The following FHOD3 variants were observed in gnomAD, a reference collection of about 807,000 sequenced individuals.
The protein encoded by FHOD3 is formin homology 2 domain containing 3.
Under a neutral mutation model 173.0 loss-of-function variants are expected in FHOD3, and 90 were observed. The ratio of observed to expected loss-of-function variants is 0.52; its 90% CI spans 0.44 to 0.62. FHOD3 has a LOEUF of 0.62. FHOD3 is among the 20% of genes least tolerant of loss of function. FHOD3 has a pLI of 0.00. For missense variants in FHOD3, 1,945 were observed against 2,034.7 expected (o/e 0.96, Z 0.85); for synonymous variants, 828 against 823.0 (o/e 1.01, Z -0.10).
In FHOD3 at chr18:36,372,684, G is replaced by A; in HGVS notation, c.277G>A (p.Gly93Ser). 6.2e-7 allele frequency: 1 copy of A among 1,613,878 alleles called. No individual in the cohort carries two copies. The highest frequency in any genetic ancestry group is 1.1e-5 in the South Asian group (1 of 91,006). ...TTTTGTCTCCTGTCTCGTTAGGCGG[G>A]GCAAGAAGCACAGCATCATCCTAAG... is the stretch of plus-strand genomic sequence containing the variant. ...LEGFQDDAGR[G>S]KKHSIILRTQ... The change falls in exon 3 of 29, where the codon GGC becomes AGC. Residue 93 changes from glycine (G) to serine (S), a missense_variant. Gly to Ser is a moderately conservative substitution (Grantham distance 56, BLOSUM62 0). Around this residue, in one of 5 missense-constraint regions of FHOD3, gnomAD observed 245 missense variants for 267.7 expected, o/e 0.92. Transcript: ENST00000590592.
At chr18:36,298,895 A>T (rs1022927092) in intron 1 of FHOD3, among the ~76,000 whole-genome samples, 2 of 152,070 alleles carry the variant, frequency 1.3e-5, no homozygotes, top group Non-Finnish European at 2.9e-5. Context: ...CCTTACTCTC[A>T]CTTAGACAGA....
chr18:36,612,462 A>C (rs1472997995), intron 9 of FHOD3, among the ~76,000 whole-genome samples: 3 of 152,184 alleles, frequency 2.0e-5, no homozygotes, highest in Non-Finnish European at 4.4e-5. Flanking sequence ...GTGGGGTGGA[A>C]CTTCAGGCAG....
At chr18:36,319,146 T>C (rs1281921835) in intron 1 of FHOD3, among the ~76,000 whole-genome samples, 1 of 152,182 alleles carries the variant, frequency 6.6e-6, no homozygotes, top group Non-Finnish European at 1.5e-5. Flanking sequence ...TGAGGATTTT[T>C]GCATCGATGT....
At chr18:36,553,994 C>T (rs2057770315) in intron 5 of FHOD3, among the ~76,000 whole-genome samples, 1 of 152,130 alleles carries the variant, frequency 6.6e-6, no homozygotes, top group African/African-American at 2.4e-5. Context: ...ACAGTAGGTG[C>T]TGGAGAAGAT....
chr18:36,769,843 C>T (rs2043298953), intron 28 of FHOD3, among the ~76,000 whole-genome samples: 1 of 152,104 alleles, frequency 6.6e-6, no homozygotes, highest in Non-Finnish European at 1.5e-5. Context: ...GGAGACTGGC[C>T]TCTCCTGGGT....
intron 5 of FHOD3, among the ~76,000 whole-genome samples, chr18:36,558,916 G>A (rs184967579): frequency 6.6e-5 from 10 of 152,220 alleles, no homozygotes; most frequent in East Asian, 3.9e-4. Flanking sequence ...AGTGCTTCCC[G>A]CCTGCACTCA....
intron 5 of FHOD3, among the ~76,000 whole-genome samples, chr18:36,572,563 C>T (rs879410401): frequency 1.3e-5 from 2 of 152,168 alleles, no homozygotes; most frequent in Admixed American, 1.3e-4. Context: ...ACTTGAATTC[C>T]ATTAGACATG....
chr18:36,521,918 A>G (rs1171323342), intron 5 of FHOD3, among the ~76,000 whole-genome samples: 1 of 152,184 alleles, frequency 6.6e-6, no homozygotes, highest in Non-Finnish European at 1.5e-5. Context: ...GCATCTGCCT[A>G]CAAGGCCTCG....
chr18:36,742,995 T>C (rs2041975184), intron 22 of FHOD3, 139 bp downstream of exon 22: 6 of 1,289,868 alleles, frequency 4.7e-6, no homozygotes, highest in Non-Finnish European at 6.4e-6. Context: ...GCTGAAAATC[T>C]AGAAGGAATT....
At chr18:36,625,931 C>T (rs903912190) in intron 10 of FHOD3, among the ~76,000 whole-genome samples, 182 bp downstream of exon 10, 3 of 151,826 alleles carry the variant, frequency 2.0e-5, no homozygotes, top group African/African-American at 7.3e-5. Context: ...CACAGGGTGG[C>T]CCCTGGCGAC....
intron 2 of FHOD3, among the ~76,000 whole-genome samples, chr18:36,356,501 T>C (rs560297560): frequency 6.6e-6 from 1 of 152,312 alleles, no homozygotes; most frequent in African/African-American, 2.4e-5. Flanking sequence ...TTTTTATTTA[T>C]TTATTTATTT....
chr18:36,765,337 C>T (rs191458517), intron 27 of FHOD3, among the ~76,000 whole-genome samples: 1 of 152,284 alleles, frequency 6.6e-6, no homozygotes, highest in Admixed American at 6.5e-5. Flanking sequence ...CTCAATACCT[C>T]ACTGTATCTG....
chr18:36,417,401 G>C (rs907503925), intron 3 of FHOD3, among the ~76,000 whole-genome samples: 1 of 152,052 alleles, frequency 6.6e-6, no homozygotes, highest in African/African-American at 2.4e-5. Context: ...ACATGATCTC[G>C]TTCTTTATTA....
intron 25 of FHOD3, among the ~76,000 whole-genome samples, chr18:36,758,848 C>G (rs1450775116): frequency 6.6e-6 from 1 of 152,320 alleles, no homozygotes; most frequent in South Asian, 2.1e-4. Flanking sequence ...CTGACTGTTA[C>G]CTCAGGGACA....
chr18:36,570,076 C>T (rs59016527), intron 5 of FHOD3, among the ~76,000 whole-genome samples: 2 of 150,438 alleles, frequency 1.3e-5, no homozygotes, highest in African/African-American at 2.4e-5. Flanking sequence ...AAGTTGAAAG[C>T]GGAGAAAAAA....
chr18:36,777,361 C>G (rs549876102), intron 28 of FHOD3, among the ~76,000 whole-genome samples: 12 of 152,104 alleles, frequency 7.9e-5, no homozygotes, highest in African/African-American at 2.9e-4. Context: ...GCCACCATGT[C>G]TGGCTAATTT....
intron 3 of FHOD3, among the ~76,000 whole-genome samples, chr18:36,489,924 T>C (rs1426165959): frequency 2.0e-5 from 3 of 152,166 alleles, no homozygotes; most frequent in Non-Finnish European, 4.4e-5. Flanking sequence ...AGCCCTGAGA[T>C]AGAGACTGAA....
Position 36,594,850 on chromosome 18 carries a change from A to G in FHOD3, c.670A>G (p.Asn224Asp). 1 of 1,613,966 alleles carries G rather than the reference A, an allele frequency of 6.2e-7. No individual in the cohort carries two copies. The highest frequency in any genetic ancestry group is 8.5e-7 in the Non-Finnish European group (1 of 1,179,958). ...CGTCTTTGTAGAGTACTCGGAGTCC[A>G]ACGCACCTCTCCTAATTCAGGCTGT... ...LLVFVEYSESNAPLLIQAVTA... is the reference protein window; with the variant it reads ...LLVFVEYSESDAPLLIQAVTA... Residue 224 changes from asparagine to aspartate, a missense_variant, in exon 7 of 29, where the codon AAC becomes GAC. Physicochemically the swap from Asn to Asp is conservative, Grantham distance 23 (BLOSUM62 1). Around this residue, in one of 5 missense-constraint regions of FHOD3, gnomAD observed 16 missense variants for 34.0 expected, o/e 0.47. Coordinates refer to ENST00000590592, the MANE Select transcript of FHOD3 (RefSeq NM_001281740.3).
At chr18:36,343,639 C>T (rs1305874589) in intron 1 of FHOD3, among the ~76,000 whole-genome samples, 1 of 116,668 alleles carries the variant, frequency 8.6e-6, no homozygotes, top group Non-Finnish European at 2.2e-5. Flanking sequence ...CCTTTGCCTC[C>T]TCTCTACCGT....
Sources: allele counts gnomAD v4.1 joint callset (sites outside exome capture counted in the v4.1 genomes callset), GRCh38; gene constraint gnomAD v4.1.1; regional missense constraint gnomAD v4.1.1; transcripts MANE v1.5; gene names NCBI Gene and HGNC (gene_info 2026-07-23, HGNC 2026-07-21).